The following COG5 variants were observed in gnomAD, a reference collection of about 807,000 sequenced individuals.
The protein encoded by COG5 is component of oligomeric golgi complex 5.
Under a neutral mutation model 110.4 loss-of-function variants are expected in COG5, and 86 were observed. The ratio of observed to expected loss-of-function variants is 0.78; its 90% CI spans 0.65 to 0.93. The LOEUF is 0.93. Ranked by LOEUF, COG5 falls within the 40% of genes least tolerant of loss-of-function variation. The pLI, the probability that COG5 is intolerant of heterozygous loss-of-function variation, is 0.00. For missense variants in COG5, 1,077 were observed against 987.0 expected, an observed-to-expected ratio of 1.09 and a Z score of -1.22; for synonymous variants, 360 against 334.6, an observed-to-expected ratio of 1.08 and a Z score of -0.83.
chr7:107,270,540 C>T (rs933897959), intron 14 of COG5, among the ~76,000 whole-genome samples: 3 of 152,156 alleles, frequency 2.0e-5, no homozygotes, highest in Admixed American at 1.3e-4. Context: ...GGATTACAGG[C>T]GTGAGCCATG....
At position 107,306,711 on chromosome 7, in the gene COG5, A is replaced by G. The variant is rs547417456; in HGVS notation, c.1109-8365T>C. Among the ~76,000 whole-genome samples the G allele has an allele frequency of 3.9e-5, 6 of 152,246 alleles. No individual in the cohort carries two copies. In the East Asian group the frequency reaches 1.2e-3, roughly 29 times the overall value. On this transcript the variant is annotated intron_variant, in intron 11 of 21. Transcript: ENST00000297135. ...TTAACAGGGATATAAAGCATACACA[A>G]TCTCTTCCAAACTTCTAACTCTGTA... is the stretch of plus-strand genomic sequence containing the variant.
intron 12 of COG5, among the ~76,000 whole-genome samples, chr7:107,294,768 T>C (rs1249812342): frequency 5.0e-5 from 7 of 139,868 alleles, no homozygotes; most frequent in African/African-American, 1.9e-4. Context: ...TGGGCTGGAG[T>C]GCAGTGGCGC....
intron 6 of COG5, among the ~76,000 whole-genome samples, chr7:107,434,741 T>C (rs563104854): frequency 5.5e-4 from 84 of 152,156 alleles, no homozygotes; most frequent in South Asian, 1.9e-3. Context: ...GAGGCCAAGG[T>C]GGGCGGATCA....
At chr7:107,519,612 G>A (rs961048192) in intron 6 of COG5, among the ~76,000 whole-genome samples, 4 of 152,000 alleles carry the variant, frequency 2.6e-5, no homozygotes, top group African/African-American at 7.3e-5. Context: ...TCAAATCTCT[G>A]AATAGACTAA....
intron 10 of COG5, among the ~76,000 whole-genome samples, chr7:107,350,751 T>G (rs528742769): frequency 1.2e-4 from 18 of 152,314 alleles, no homozygotes; most frequent in African/African-American, 4.1e-4. Flanking sequence ...TGTTAGCCAC[T>G]ACCCTGGGTC....
chr7:107,215,514 A>G (rs1369441332), intron 19 of COG5, among the ~76,000 whole-genome samples: 1 of 151,792 alleles, frequency 6.6e-6, no homozygotes, highest in Non-Finnish European at 1.5e-5. Context: ...AATACAAAAA[A>G]TTAGCTGGGT....
In COG5 at chr7:107,362,333, T is replaced by C. The variant is rs752963489; in HGVS notation, c.923A>G (p.Asp308Gly). 3 of 1,610,848 alleles carry C rather than the reference T, an allele frequency of 1.9e-6. No homozygotes were observed. Among genetic ancestry groups the C allele is most frequent in the East Asian group, 2.2e-5 (1 of 44,862 alleles). ...CTGTCCACAAACAGCATAAATATGA[T>C]CCATAAGTTTCTCCATATTGGTCCA... Reference protein sequence around the residue: ...SFWTNMEKLMDHIYAVCGQVQ... With the variant: ...SFWTNMEKLMGHIYAVCGQVQ... Residue 308 changes from aspartate (D) to glycine (G), a missense_variant, in exon 9 of 22, where the codon GAT (aspartate) becomes GGT (glycine). Coordinates refer to ENST00000297135, the MANE Select transcript of COG5 (RefSeq NM_006348.5).
chr7:107,441,255 C>CAAAAAAA (rs551026030), intron 6 of COG5, among the ~76,000 whole-genome samples: 3 of 71,318 alleles, frequency 4.2e-5, no homozygotes, highest in African/African-American at 5.7e-5. Context: ...GACTCCGTCT[C>CAAAAAAA]AAAAAAAAAA....
chr7:107,486,079 AACAG>A lies in COG5; in HGVS notation c.538+41154_538+41157del, dbSNP rs1490105591. Among the ~76,000 whole-genome samples, 7 of 152,274 alleles carry A rather than the reference AACAG, an allele frequency of 4.6e-5. No individual in the cohort carries two copies. The East Asian group carries it at 1.3e-3, about 29-fold the overall frequency. ...ATACTCCACACTCTATGAATGTAGA[AACAG>A]ACAGAGATAAAGCTGAAAAATAGGT... On this transcript the variant is annotated intron_variant, in intron 6 of 21. Transcript: ENST00000297135.
intron 11 of COG5, among the ~76,000 whole-genome samples, chr7:107,301,744 C>G (rs1562959020): frequency 2.0e-5 from 3 of 151,930 alleles, no homozygotes; most frequent in African/African-American, 4.8e-5. Context: ...TGGTGCACAC[C>G]TGTAATTCCA....
chr7:107,392,110 T>C (rs2129057064), intron 7 of COG5, among the ~76,000 whole-genome samples: 1 of 152,188 alleles, frequency 6.6e-6, no homozygotes, highest in African/African-American at 2.4e-5. Context: ...AAAACCATTA[T>C]TTTCCTCAGC....
At chr7:107,266,500 C>T (rs1307821915) in intron 14 of COG5, among the ~76,000 whole-genome samples, 1 of 152,070 alleles carries the variant, frequency 6.6e-6, no homozygotes, top group East Asian at 1.9e-4. Context: ...AGCTGCATTC[C>T]CCTTCATTCA....
intron 6 of COG5, among the ~76,000 whole-genome samples, chr7:107,444,709 C>T (rs904706782): frequency 1.3e-5 from 2 of 152,080 alleles, no homozygotes; most frequent in African/African-American, 4.8e-5. Flanking sequence ...AAGGACTATG[C>T]CTCTCCTGTA....
At chr7:107,305,437 A>C (rs943518706) in intron 11 of COG5, among the ~76,000 whole-genome samples, 2 of 152,136 alleles carry the variant, frequency 1.3e-5, no homozygotes, top group Non-Finnish European at 2.9e-5. Flanking sequence ...TGCCTTTAGG[A>C]TGTCTTGAAT....
At chr7:107,381,135 T>C (rs946200499) in intron 7 of COG5, among the ~76,000 whole-genome samples, 6 of 109,500 alleles carry the variant, frequency 5.5e-5, no homozygotes, top group Admixed American at 4.7e-4. Context: ...TTAAAATTTC[T>C]GAGTCATTTT....
Position 107,298,295 on chromosome 7 carries a change from C to A in COG5, c.1160G>T (p.Arg387Leu). The A allele has an allele frequency of 6.2e-7, 1 of 1,613,496 alleles. No individual in the cohort carries two copies. The highest frequency in any genetic ancestry group is 8.5e-7 in the Non-Finnish European group (1 of 1,179,752). ...ACGCTTCCATAAGTCATTATAAAGA[C>A]GTAATAATTTAGGGTATTCTCCTTC... is the stretch of plus-strand genomic sequence containing the variant. ...AFEGEYPKLL[R>L]LYNDLWKRLQ... Residue 387 changes from arginine to leucine, a missense_variant, in exon 12 of 22, where the codon CGT becomes CTT. Physicochemically the swap from Arg to Leu is moderately radical, Grantham distance 102. Coordinates refer to ENST00000297135, the MANE Select transcript of COG5 (RefSeq NM_006348.5).
At chr7:107,475,583 T>A (rs1469678433) in intron 6 of COG5, 2 of 391,880 alleles carry the variant, frequency 5.1e-6, no homozygotes, top group Admixed American at 8.3e-5. Context: ...ATGTGTATAT[T>A]TTGTCAATAT....
chr7:107,434,969 T>TAA (rs1240287746), intron 6 of COG5, among the ~76,000 whole-genome samples: 6 of 136,696 alleles, frequency 4.4e-5, no homozygotes, highest in East Asian at 4.1e-4. Flanking sequence ...GACTCCGTCT[T>TAA]AAAAAAAAAA....
chr7:107,447,639 T>C (rs550196402), intron 6 of COG5, among the ~76,000 whole-genome samples: 1 of 152,328 alleles, frequency 6.6e-6, no homozygotes, highest in African/African-American at 2.4e-5. Flanking sequence ...TTTCATACAG[T>C]ATCTCATAAT....
Sources: gnomAD v4.1 joint callset for allele counts (sites outside exome capture counted in the v4.1 genomes callset) on GRCh38, gnomAD v4.1.1 for gene constraint, MANE v1.5 for transcripts, NCBI Gene and HGNC (gene_info 2026-07-23, HGNC 2026-07-21) for gene names.